Variants in GOLGA5 observed in about 807,000 individuals in gnomAD.
GOLGA5 encodes golgin subfamily A member 5.
GOLGA5 carries 50 observed loss-of-function variants against 93.5 expected under a neutral mutation model. The ratio of observed to expected loss-of-function variants is 0.53; its 90% CI spans 0.43 to 0.68. The LOEUF is 0.68. Ranked by LOEUF, GOLGA5 falls within the 30% of genes least tolerant of loss-of-function variation. The probability of loss-of-function intolerance (pLI) is 0.00; values close to 1 mark genes in which losing one functional copy is unlikely to be tolerated. For missense variants in GOLGA5, 760 were observed against 856.4 expected (o/e 0.89, Z 1.40); for synonymous variants, 312 against 304.5 (o/e 1.02, Z -0.26).
intron 1 of GOLGA5, among the ~76,000 whole-genome samples, chr14:92,794,747 C>T (rs902213854): frequency 5.9e-5 from 9 of 152,188 alleles, no homozygotes; most frequent in Non-Finnish European, 1.3e-4. Context: ...TGCTCGCTTA[C>T]CTGAGATTCC....
At chr14:92,798,733 T>C (rs539807429) in intron 2 of GOLGA5, among the ~76,000 whole-genome samples, 1 of 152,180 alleles carries the variant, frequency 6.6e-6, no homozygotes, top group East Asian at 1.9e-4. Context: ...CTAAACAACA[T>C]AGCAAAACTT....
rs1191305000 is a variant in GOLGA5 at position 92,799,272 on chromosome 14, A to ATTTTTTTTTTTTT, written c.544+1294_544+1306dup. 4.0e-5 allele frequency among the ~76,000 whole-genome samples: 5 copies of ATTTTTTTTTTTTT among 124,214 alleles called. 1 individual carries two copies. The highest frequency in any genetic ancestry group is 6.8e-5 in the African/African-American group (2 of 29,302). 81.5% of individuals were successfully genotyped at this position (124,214 alleles called of 152,430 possible). On this transcript the variant is annotated intron_variant, in intron 2 of 12. Coordinates refer to ENST00000163416, the MANE Select transcript of GOLGA5 (RefSeq NM_005113.4). Reference sequence around the variant, plus strand: ...GATCTACCGTGGCCTGGCCATAGGGATTTTTTTTTTTTTTTCTTTTTTGAG... The same window carrying ATTTTTTTTTTTTT: ...GATCTACCGTGGCCTGGCCATAGGGATTTTTTTTTTTTTTTTTTTTTTTTTTTTCTTTTTTGAG...
intron 2 of GOLGA5, among the ~76,000 whole-genome samples, chr14:92,800,833 T>TGCA (rs1341500059): frequency 3.9e-5 from 6 of 152,198 alleles, no homozygotes; most frequent in African/African-American, 1.4e-4. Context: ...GAAAGCAGCT[T>TGCA]GCATTTAATT....
At chr14:92,838,766 G>A (rs1054272667) in intron 12 of GOLGA5, among the ~76,000 whole-genome samples, 2 of 152,122 alleles carry the variant, frequency 1.3e-5, no homozygotes, top group African/African-American at 4.8e-5. Context: ...TGATTTCCCA[G>A]GTGTTAGTGA....
intron 12 of GOLGA5, 36 bp from the exon 13 acceptor site, chr14:92,839,330 A>G (rs1311400049): frequency 6.8e-7 from 1 of 1,462,914 alleles, no homozygotes; most frequent in Non-Finnish European, 9.6e-7. Flanking sequence ...AAATTGGTTT[A>G]TTGGCTAATC....
Position 92,837,423 on chromosome 14 carries a change from G to A in GOLGA5, c.2089G>A (p.Ala697Thr). The A allele has an allele frequency of 6.5e-7, 1 of 1,534,936 alleles. No individual in the cohort carries two copies. The highest frequency in any genetic ancestry group is 1.1e-5 in the South Asian group (1 of 88,984). Reference sequence around the variant, plus strand: ...AATTTTTCTCCGAAGATACCCCATAGCGCGAGTTTTTGTAATTATATATAT... The same window carrying A: ...AATTTTTCTCCGAAGATACCCCATAACGCGAGTTTTTGTAATTATATATAT... ...LGIFLRRYPI[A>T]RVFVIIYMAL... The change falls in exon 12 of 13, where the codon GCG (alanine) becomes ACG (threonine). Residue 697 changes from alanine (A) to threonine (T), a missense_variant. Transcript: ENST00000163416.
At chr14:92,795,718 C>A (rs79016220) in intron 1 of GOLGA5, among the ~76,000 whole-genome samples, 1 of 101,732 alleles carries the variant, frequency 9.8e-6, no homozygotes, top group Non-Finnish European at 1.9e-5. Context: ...TCCCCAAGAA[C>A]AAGAAGCATG....
rs1033897200 is a variant in GOLGA5 at position 92,797,796 on chromosome 14, A to C, written c.359A>C (p.Asp120Ala). 6.2e-7 allele frequency: 1 copy of C among 1,613,894 alleles called. No homozygotes were observed. Among genetic ancestry groups the C allele is most frequent in the African/African-American group, 1.3e-5 (1 of 75,018 alleles). The change falls in exon 2 of 13, where the codon GAT becomes GCT. Residue 120 changes from aspartate to alanine, a missense_variant. Transcript: ENST00000163416. The part of the protein sequence containing the change: ...FVRRKKSEPD[D>A]ELLFDFLNSS... ...CGAAGAAAAAAGTCAGAACCTGATGATGAGCTGCTGTTTGATTTTCTTAAT... is the reference window on the plus strand; with the variant it reads ...CGAAGAAAAAAGTCAGAACCTGATGCTGAGCTGCTGTTTGATTTTCTTAAT...
At chr14:92,833,962 A>C (rs1319329990) in intron 10 of GOLGA5, among the ~76,000 whole-genome samples, 1 of 150,576 alleles carries the variant, frequency 6.6e-6, no homozygotes, top group Non-Finnish European at 1.5e-5. Flanking sequence ...AAAAAGGGTG[A>C]TCAGGAAGAC....
At chr14:92,831,840 A>G (rs1595604447) in intron 9 of GOLGA5, among the ~76,000 whole-genome samples, 2 of 152,102 alleles carry the variant, frequency 1.3e-5, no homozygotes, top group Admixed American at 1.3e-4. Flanking sequence ...TTAAGTGCCT[A>G]CCATATGACA....
intron 9 of GOLGA5, 91 bp from the exon 10 acceptor site, chr14:92,833,031 C>T: frequency 1.3e-6 from 1 of 764,898 alleles, no homozygotes; most frequent in Non-Finnish European, 2.3e-6. Flanking sequence ...CAATGAATGC[C>T]ACAATTTACC....
chr14:92,804,655 C>CTTTTTT (rs765326844), intron 2 of GOLGA5, among the ~76,000 whole-genome samples: 3 of 114,312 alleles, frequency 2.6e-5, no homozygotes, highest in African/African-American at 1.0e-4. Flanking sequence ...TAATTTCTTT[C>CTTTTTT]TTTTTTTTTT....
chr14:92,818,989 G>A (rs1425065446), intron 7 of GOLGA5, among the ~76,000 whole-genome samples: 7 of 152,200 alleles, frequency 4.6e-5, no homozygotes, highest in Non-Finnish European at 4.4e-5. Context: ...CCAACTTCTG[G>A]TGATATGCAA....
intron 6 of GOLGA5, among the ~76,000 whole-genome samples, chr14:92,812,044 T>TCCTTGTTGA (rs1171374470): frequency 6.6e-6 from 1 of 152,208 alleles, no homozygotes; most frequent in Non-Finnish European, 1.5e-5. Context: ...TGTTTATTCT[T>TCCTTGTTGA]CCTTGTTGAT....
intron 9 of GOLGA5, among the ~76,000 whole-genome samples, chr14:92,828,578 T>C (rs1457589779): frequency 6.6e-6 from 1 of 152,234 alleles, no homozygotes; most frequent in African/African-American, 2.4e-5. Flanking sequence ...CCATTGTTTA[T>C]GAAATCATAC....
At chr14:92,824,765 C>T (rs1885383225) in intron 9 of GOLGA5, 121 bp downstream of exon 9, 1 of 594,504 alleles carries the variant, frequency 1.7e-6, no homozygotes, top group Non-Finnish European at 3.0e-6. Context: ...ACAGTGGTGA[C>T]AAAAGTTCTT....
chr14:92,828,673 T>C lies in GOLGA5; in HGVS notation c.1719+4029T>C, dbSNP rs144602136. 2.6e-3 allele frequency among the ~76,000 whole-genome samples: 402 copies of C among 152,340 alleles called. 2 individuals carry two copies. Among genetic ancestry groups the C allele is most frequent in the African/African-American group, 9.2e-3 (381 of 41,588 alleles). Reference sequence around the variant, plus strand: ...ATTTAATTAAATTAATTAATTTATTTATTTTTATTTTTTGAGACAGAGCCT... The same window carrying C: ...ATTTAATTAAATTAATTAATTTATTCATTTTTATTTTTTGAGACAGAGCCT... On this transcript the variant is annotated intron_variant, in intron 9 of 12. Transcript: ENST00000163416.
intron 9 of GOLGA5, among the ~76,000 whole-genome samples, chr14:92,832,674 C>T (rs143240314): frequency 0.011 from 1,712 of 152,250 alleles, 42 homozygotes; most frequent in African/African-American, 0.038. Flanking sequence ...GTGATCTTTG[C>T]ACTGCACCGT....
intron 7 of GOLGA5, 136 bp downstream of exon 7, chr14:92,816,557 C>T (rs1885213236): frequency 1.9e-6 from 1 of 529,158 alleles, no homozygotes; most frequent in Non-Finnish European, 3.3e-6. Flanking sequence ...TCTTCTCTTC[C>T]TCCTCCTCTT....
Sources: gnomAD v4.1 joint callset for allele counts (sites outside exome capture counted in the v4.1 genomes callset) on GRCh38, gnomAD v4.1.1 for gene constraint, MANE v1.5 for transcripts, NCBI Gene and HGNC (gene_info 2026-07-23, HGNC 2026-07-21) for gene names.